HNF4G: variants seen among roughly 807,000 people sequenced by gnomAD.
HNF4G encodes the protein hepatocyte nuclear factor 4-gamma.
Under a neutral mutation model 50.9 loss-of-function variants are expected in HNF4G, and 21 were observed. That is an observed-to-expected ratio of 0.41 (90% confidence interval 0.29 to 0.59). The LOEUF is 0.59. Ranked by LOEUF, HNF4G falls within the 20% of genes least tolerant of loss-of-function variation. The pLI, the probability that HNF4G is intolerant of heterozygous loss-of-function variation, is 0.26. For missense variants in HNF4G, 527 were observed against 559.4 expected (o/e 0.94, Z 0.58); for synonymous variants, 198 against 185.6 (o/e 1.07, Z -0.54).
intron 3 of HNF4G, 43 bp from the exon 4 acceptor site, chr8:75,551,345 C>A (rs1002360592): frequency 8.8e-7 from 1 of 1,133,132 alleles, no homozygotes; most frequent in Non-Finnish European, 1.3e-6. Context: ...CTAACATACA[C>A]TAAAGAGAAG....
chr8:75,507,388 G>A (rs891951854), intron 2 of HNF4G, among the ~76,000 whole-genome samples: 4 of 151,632 alleles, frequency 2.6e-5, no homozygotes, highest in African/African-American at 9.7e-5. Flanking sequence ...AGCCTCCCGA[G>A]TAGCTGGGAT....
chr8:75,558,478 G>A (rs759529804), intron 6 of HNF4G, 40 bp from the exon 7 acceptor site: 21 of 1,576,444 alleles, frequency 1.3e-5, no homozygotes, highest in Non-Finnish European at 1.8e-5. Context: ...GGAGACAGGT[G>A]GTTATTTTGT....
chr8:75,442,283 A>G (rs923720532), intron 1 of HNF4G, among the ~76,000 whole-genome samples: 4 of 152,188 alleles, frequency 2.6e-5, no homozygotes, highest in African/African-American at 7.2e-5. Context: ...GGTATCGGGT[A>G]TATGGATATT....
At position 75,461,923 on chromosome 8, in the gene HNF4G, TATATA is replaced by T. The variant is rs1563515889; in HGVS notation, c.-143-28165_-143-28161del. Among the ~76,000 whole-genome samples, 8 of 146,586 alleles carry T rather than the reference TATATA, an allele frequency of 5.5e-5. 1 individual carries two copies. The South Asian group carries it at 1.7e-3, about 31-fold the overall frequency. On this transcript the variant is annotated intron_variant, in intron 1 of 10. Coordinates refer to the HNF4G transcript ENST00000354370. Reference sequence around the variant, plus strand: ...ATAAATATAAATATATATATATATATATATATTTTTTTAGATGGAGTTTTGCTCTT... The same window carrying T: ...ATAAATATAAATATATATATATATATTTTTTTTAGATGGAGTTTTGCTCTT...
intron 2 of HNF4G, among the ~76,000 whole-genome samples, chr8:75,534,045 C>A (rs1449773925): frequency 6.6e-6 from 1 of 151,806 alleles, no homozygotes; most frequent in Non-Finnish European, 1.5e-5. Context: ...AAACATTATA[C>A]CTCTTCAGAA....
intron 1 of HNF4G, among the ~76,000 whole-genome samples, chr8:75,468,265 G>A (rs1812030275): frequency 6.6e-6 from 1 of 152,038 alleles, no homozygotes; most frequent in South Asian, 2.1e-4. Flanking sequence ...TATTCCCCAG[G>A]GAGAGGTCCT....
intron 1 of HNF4G, among the ~76,000 whole-genome samples, chr8:75,470,840 A>C (rs1057460004): frequency 5.9e-5 from 9 of 152,340 alleles, no homozygotes; most frequent in Admixed American, 4.6e-4. Context: ...TTTAAATATT[A>C]GTCAAATAAT....
chr8:75,492,812 A>G (rs1812665521), intron 2 of HNF4G, among the ~76,000 whole-genome samples: 2 of 152,122 alleles, frequency 1.3e-5, no homozygotes, highest in African/African-American at 4.8e-5. Context: ...CTGGCTTTGA[A>G]TTATAAGCAA....
At chr8:75,452,580 A>G (rs928591173) in intron 1 of HNF4G, among the ~76,000 whole-genome samples, 7 of 151,990 alleles carry the variant, frequency 4.6e-5, no homozygotes, top group Non-Finnish European at 7.4e-5. Context: ...TTAGCCGGGC[A>G]TGGTGGCGGG....
At chr8:75,472,326 G>A (rs369499034) in intron 1 of HNF4G, among the ~76,000 whole-genome samples, 4 of 152,282 alleles carry the variant, frequency 2.6e-5, no homozygotes, top group East Asian at 1.9e-4. Context: ...GGGGATTCAA[G>A]TTCTCCCTCC....
rs976944877 is a variant in HNF4G at position 75,465,829 on chromosome 8, A to G, written c.-143-24260A>G. Among the ~76,000 whole-genome samples, 3 of 152,264 alleles carry G rather than the reference A, an allele frequency of 2.0e-5. No individual in the cohort carries two copies. In the East Asian group the frequency reaches 5.8e-4, roughly 29 times the overall value. On this transcript the variant is annotated intron_variant, in intron 1 of 10. Coordinates refer to the HNF4G transcript ENST00000354370. ...GTTTCAAAATTGAACTTTCTTGACT[A>G]ACTCAATTCTTTCTTTACTTATTCT...
chr8:75,552,960 C>A (rs1377443236), intron 4 of HNF4G, 82 bp from the exon 5 acceptor site: 1 of 940,182 alleles, frequency 1.1e-6, no homozygotes, highest in African/African-American at 1.7e-5. Context: ...ATGGCCTTTA[C>A]TTATCATAGT....
intron 1 of HNF4G, among the ~76,000 whole-genome samples, chr8:75,418,214 C>T (rs1252769738): frequency 6.6e-6 from 1 of 152,102 alleles, no homozygotes; most frequent in African/African-American, 2.4e-5. Flanking sequence ...GGTGTGCTGT[C>T]TGTGTCCTGA....
At chr8:75,407,975 C>CGAA (rs1810403140), upstream of HNF4G, 1 of 152,020 alleles carries the variant, frequency 6.6e-6, no homozygotes, top group Admixed American at 6.5e-5. Flanking sequence ...GTAAGTTTCT[C>CGAA]CGCCGCCGCC....
chr8:75,539,822 A>G, upstream of HNF4G: 1 of 566,966 alleles, frequency 1.8e-6, no homozygotes, highest in Non-Finnish European at 3.2e-6. Flanking sequence ...ACAGTTTTAC[A>G]GCCCCTCCCA....
chr8:75,535,590 G>T (rs947042555), upstream of HNF4G, among the ~76,000 whole-genome samples: 3 of 151,810 alleles, frequency 2.0e-5, no homozygotes, highest in African/African-American at 7.2e-5. Flanking sequence ...GTGCTTTGGA[G>T]ATTGATATGT....
At chr8:75,431,449 A>G (rs769244131) in intron 1 of HNF4G, among the ~76,000 whole-genome samples, 3 of 152,232 alleles carry the variant, frequency 2.0e-5, no homozygotes, top group Non-Finnish European at 2.9e-5. Flanking sequence ...TAAAAAGCAG[A>G]AAAAGATAAT....
chr8:75,557,963 A>T (rs1048471795), intron 6 of HNF4G, among the ~76,000 whole-genome samples: 1 of 151,984 alleles, frequency 6.6e-6, no homozygotes, highest in Non-Finnish European at 1.5e-5. Context: ...TGGTTATCCC[A>T]CCTCTATTTA....
intron 2 of HNF4G, among the ~76,000 whole-genome samples, chr8:75,497,468 G>A (rs757003262): frequency 1.3e-5 from 2 of 152,092 alleles, no homozygotes; most frequent in Non-Finnish European, 2.9e-5. Context: ...GGCAGATCAC[G>A]AGGTCAGGAG....
Sources: gnomAD v4.1 joint callset for allele counts (sites outside exome capture counted in the v4.1 genomes callset) on GRCh38, gnomAD v4.1.1 for gene constraint, MANE v1.5 for transcripts, NCBI Gene and HGNC (gene_info 2026-07-23, HGNC 2026-07-21) for gene names.